REXO5: variants seen among roughly 807,000 people sequenced by gnomAD.
REXO5 encodes RNA exonuclease 5.
A neutral mutation model predicts 88.5 loss-of-function variants in REXO5; 48 were observed. The ratio of observed to expected loss-of-function variants is 0.54; its 90% CI spans 0.43 to 0.69. The LOEUF is 0.69. Ranked by LOEUF, REXO5 falls within the 30% of genes least tolerant of loss-of-function variation. The pLI is 0.00. For missense variants in REXO5, 749 were observed against 912.2 expected (o/e 0.82, Z 2.30); for synonymous variants, 311 against 336.5 (o/e 0.92, Z 0.83).
At chr16:20,827,481 A>G in intron 10 of REXO5, 34 bp downstream of exon 10, 1 of 1,472,562 alleles carries the variant, frequency 6.8e-7, no homozygotes, top group African/African-American at 1.4e-5. Flanking sequence ...TATTGTTCTG[A>G]CAAACTGCAT....
chr16:20,842,560 A>G (rs185159506), intron 15 of REXO5, among the ~76,000 whole-genome samples: 3 of 149,560 alleles, frequency 2.0e-5, no homozygotes, highest in African/African-American at 7.4e-5. Context: ...CTACAGCCTC[A>G]ACCTCCTGGG....
At chr16:20,815,105 G>T (rs767976867) in intron 4 of REXO5, 52 bp downstream of exon 4, 5 of 1,573,122 alleles carry the variant, frequency 3.2e-6, no homozygotes, top group Non-Finnish European at 4.3e-6. Flanking sequence ...CCCATTCTGA[G>T]ACTAATACAT....
intron 13 of REXO5, among the ~76,000 whole-genome samples, chr16:20,834,311 G>A (rs1260202136): frequency 6.6e-6 from 1 of 152,124 alleles, no homozygotes; most frequent in Non-Finnish European, 1.5e-5. Context: ...ATAAATATGT[G>A]GGGAGATATT....
chr16:20,816,406 GC>G (rs2081083035), intron 5 of REXO5, among the ~76,000 whole-genome samples, 194 bp downstream of exon 5: 1 of 151,974 alleles, frequency 6.6e-6, no homozygotes, highest in South Asian at 2.1e-4. Context: ...GCTCACTGCA[GC>G]CTTGACCTCC....
At chr16:20,844,591 T>C (rs560063828) in intron 16 of REXO5, 38 bp from the exon 17 acceptor site, 28 of 1,588,600 alleles carry the variant, frequency 1.8e-5, no homozygotes, top group Non-Finnish European at 2.3e-5. Context: ...GAGGATTAAA[T>C]TGATTTTCTA....
At chr16:20,831,779 A>C (rs1447604722) in intron 11 of REXO5, among the ~76,000 whole-genome samples, 1 of 149,788 alleles carries the variant, frequency 6.7e-6, no homozygotes, top group Non-Finnish European at 1.5e-5. Flanking sequence ...TATCATTTCC[A>C]AAATTGCATG....
intron 19 of REXO5, among the ~76,000 whole-genome samples, chr16:20,846,881 T>A (rs867215317): frequency 8.5e-5 from 13 of 152,234 alleles, no homozygotes; most frequent in African/African-American, 2.9e-4. Context: ...AATGTCCTTT[T>A]AGTAACATGA....
rs765175128 is a variant in REXO5 at position 20,824,427 on chromosome 16, T to C, written c.617-12T>C. ...ATTCTAAAGGCAAACATTTTCTTCC[T>C]TTTTCTCCTAGGTTTTCCTGATTGT... On this transcript the variant is annotated splice_polypyrimidine_tract_variant and intron_variant, in intron 6 of 19. Coordinates refer to ENST00000261377, the MANE Select transcript of REXO5 (RefSeq NM_030941.3). The C allele has an allele frequency of 5.2e-6, 8 of 1,527,476 alleles. No homozygotes were observed. In the African/African-American group the frequency reaches 8.2e-5, roughly 16 times the overall value. The allele number at this position is 1,527,476 out of a possible 1,614,324, so 94.6% of individuals were successfully genotyped here.
Position 20,821,864 on chromosome 16 carries a change from C to G in REXO5, c.578C>G (p.Thr193Arg). The G allele has an allele frequency of 6.2e-7, 1 of 1,602,190 alleles. No individual in the cohort carries two copies. The highest frequency in any genetic ancestry group is 1.1e-5 in the South Asian group (1 of 88,896). The change falls in exon 6 of 20, where the codon ACA becomes AGA. Residue 193 changes from threonine to arginine, a missense_variant. By Grantham distance (71) the Thr-to-Arg change is moderately conservative. Transcript: ENST00000261377. Reference protein sequence around the residue: ...KKVGLTRCLLTKEEMRTFHFP... With the variant: ...KKVGLTRCLLRKEEMRTFHFP... Reference sequence around the variant, plus strand: ...GTGGGCTTGACCAGATGCCTTCTGACAAAGGAGGAAATGAGAACGTTTCAC... The same window carrying G: ...GTGGGCTTGACCAGATGCCTTCTGAGAAAGGAGGAAATGAGAACGTTTCAC...
Position 20,813,315 on chromosome 16 carries a change from T to A in REXO5, c.251+13T>A. On this transcript the variant is annotated intron_variant, in intron 3 of 19. Coordinates refer to ENST00000261377, the MANE Select transcript of REXO5 (RefSeq NM_030941.3). The stretch of plus-strand genomic sequence containing the variant: ...TTCCAAAACCCAGGTATGAGATGAA[T>A]TTAAATGGTGGGTATTGACCAGCGG... 1,181 of 1,323,270 alleles carry A rather than the reference T, an allele frequency of 8.9e-4. No individual in the cohort carries two copies. Among genetic ancestry groups the A allele is most frequent in the Non-Finnish European group, 1.2e-3 (1,068 of 915,904 alleles). 82.0% of individuals were successfully genotyped at this position (1,323,270 alleles called of 1,614,324 possible).
At chr16:20,839,670 C>T (rs2081495009) in intron 13 of REXO5, 85 bp from the exon 14 acceptor site, 3 of 806,416 alleles carry the variant, frequency 3.7e-6, no homozygotes, top group Non-Finnish European at 5.8e-6. Flanking sequence ...AAGACAACTA[C>T]TGTTTATATT....
At chr16:20,820,376 T>C (rs2081150859) in intron 5 of REXO5, among the ~76,000 whole-genome samples, 3 of 151,344 alleles carry the variant, frequency 2.0e-5, no homozygotes, top group Admixed American at 2.0e-4. Flanking sequence ...CAAATATTGT[T>C]TGAAGAAGGA....
chr16:20,826,602 A>C (rs2081263828), intron 8 of REXO5, among the ~76,000 whole-genome samples: 1 of 152,242 alleles, frequency 6.6e-6, no homozygotes, highest in Non-Finnish European at 1.5e-5. Flanking sequence ...TTGTATGCAC[A>C]AGCATGTTTG....
At position 20,808,079 on chromosome 16, in the gene REXO5, G is replaced by A. The variant is rs12598519; in HGVS notation, c.138+988G>A. 3.7e-4 allele frequency among the ~76,000 whole-genome samples: 56 copies of A among 152,236 alleles called. No individual in the cohort carries two copies. The East Asian group carries it at 6.6e-3, about 18-fold the overall frequency. On this transcript the variant is annotated intron_variant, in intron 2 of 19. Coordinates refer to ENST00000261377, the MANE Select transcript of REXO5 (RefSeq NM_030941.3). ...GCCCTATTGTGAACTTTGCATACGA[G>A]GGTCCTAGGTGGCATGCTGCTTATG...
chr16:20,816,678 C>T (rs2081086019), intron 5 of REXO5, among the ~76,000 whole-genome samples: 1 of 152,054 alleles, frequency 6.6e-6, no homozygotes, highest in Admixed American at 6.6e-5. Flanking sequence ...TGGGCAGGTA[C>T]TCAGGGAAGT....
rs1327021099 is a variant in REXO5 at position 20,833,020 on chromosome 16, A to G, written c.1280A>G (p.Asp427Gly). ...CTTTATAGTGTTTTAGAATGCTTGG[A>G]TTCAGTGGGTCAGAAGCTTCTTTTT... ...HPNTSVLECL[D>G]SVGQKLLFLT... The change falls in exon 13 of 20, where the codon GAT (aspartate) becomes GGT (glycine). Residue 427 changes from aspartate (D) to glycine (G), a missense_variant. Transcript: ENST00000261377. 1 of 1,613,598 alleles carries G rather than the reference A, an allele frequency of 6.2e-7. No individual in the cohort carries two copies. Among genetic ancestry groups the G allele is most frequent in the Admixed American group, 1.7e-5 (1 of 60,006 alleles).
Position 20,824,666 on chromosome 16 carries a change from T to C in REXO5, c.705+139T>C, listed in dbSNP as rs7198041. 2,029 of 644,244 alleles carry C rather than the reference T, an allele frequency of 3.1e-3. 32 individuals are homozygous for C. Among genetic ancestry groups the C allele is most frequent in the African/African-American group, 0.029 (1,586 of 53,768 alleles). 39.9% of individuals were successfully genotyped at this position (644,244 alleles called of 1,614,324 possible). On this transcript the variant is annotated intron_variant, in intron 7 of 19. Transcript: ENST00000261377. ...TTTTAATAGCTGAAAGTAGGTCCTT[T>C]TACTCACACTTTAGAAAACTTAGAT... is the stretch of plus-strand genomic sequence containing the variant.
chr16:20,840,303 A>G (rs781234027), intron 14 of REXO5, 28 bp from the exon 15 acceptor site: 10 of 1,491,204 alleles, frequency 6.7e-6, no homozygotes, highest in Middle Eastern at 2.0e-4. Context: ...ATTCATTCCC[A>G]TACTATATTC....
At chr16:20,832,881 T>A in intron 12 of REXO5, 122 bp from the exon 13 acceptor site, 1 of 862,468 alleles carries the variant, frequency 1.2e-6, no homozygotes, top group Non-Finnish European at 1.7e-6. Context: ...TTTTATTTAA[T>A]TTTAATTTTA....
Sources: allele counts gnomAD v4.1 joint callset (sites outside exome capture counted in the v4.1 genomes callset), GRCh38; gene constraint gnomAD v4.1.1; transcripts MANE v1.5; gene names NCBI Gene and HGNC (gene_info 2026-07-23, HGNC 2026-07-21).